The following EIPR1 variants were observed in gnomAD, a reference collection of about 807,000 sequenced individuals.
EIPR1 encodes the protein EARP and GARP complex-interacting protein 1.
In EIPR1, 25 loss-of-function variants were observed where a neutral mutation model predicts 48.1. The observed-to-expected ratio is 0.52, with a 90% CI of 0.38 to 0.73. EIPR1 has a LOEUF of 0.73. EIPR1 is among the 30% of genes least tolerant of loss of function. The pLI is 0.00. For missense variants in EIPR1, 415 were observed against 506.2 expected (o/e 0.82, Z 1.73); for synonymous variants, 204 against 201.9 (o/e 1.01, Z -0.09).
chr2:3,358,029 A>G (rs1191883892), intron 1 of EIPR1, among the ~76,000 whole-genome samples: 1 of 152,184 alleles, frequency 6.6e-6, no homozygotes, highest in Admixed American at 6.5e-5. Flanking sequence ...TTATGGCAGC[A>G]ACAGGAAACT....
At chr2:3,289,150 G>A (rs1340346165) in intron 3 of EIPR1, among the ~76,000 whole-genome samples, 2 of 152,176 alleles carry the variant, frequency 1.3e-5, no homozygotes, top group African/African-American at 4.8e-5. Flanking sequence ...GACAAGCGAG[G>A]ATTTGTTTCT....
At chr2:3,360,907 G>A (rs1490589082) in intron 1 of EIPR1, among the ~76,000 whole-genome samples, 2 of 151,692 alleles carry the variant, frequency 1.3e-5, no homozygotes, top group South Asian at 2.1e-4. Flanking sequence ...GAAGAGGAAA[G>A]TATGGGGAAA....
chr2:3,263,407 C>T (rs1369986491), intron 3 of EIPR1, among the ~76,000 whole-genome samples: 9 of 152,188 alleles, frequency 5.9e-5, no homozygotes, highest in African/African-American at 2.2e-4. Flanking sequence ...TCATCCGACA[C>T]TTAGTCCAAG....
rs1320236490 is a variant in EIPR1 at position 3,269,522 on chromosome 2, A to ATCATCGCACTCAG, written c.260-12080_260-12068dup. Among the ~76,000 whole-genome samples, 103 of 63,676 alleles carry ATCATCGCACTCAG rather than the reference A, an allele frequency of 1.6e-3. 2 individuals carry two copies. The highest frequency in any genetic ancestry group is 0.01 in the Middle Eastern group (1 of 96). The allele number at this position is 63,676 out of a possible 152,430, so 41.8% of individuals were successfully genotyped here. A position where few individuals can be genotyped will look rare whatever the true frequency, so the allele number is the denominator to read the frequency against. On this transcript the variant is annotated intron_variant, in intron 3 of 8. Transcript: ENST00000382125. ...TCGCACTCAATCATCATCACACTCA[A>ATCATCGCACTCAG]TCATCGCACTCAGTCATCGCACTCA...
chr2:3,230,151 A>ATT (rs55658514), intron 4 of EIPR1, among the ~76,000 whole-genome samples: 86 of 151,166 alleles, frequency 5.7e-4, no homozygotes, highest in African/African-American at 1.7e-3. Flanking sequence ...TGAAAATTTT[A>ATT]TTTTTTTTTA....
intron 3 of EIPR1, among the ~76,000 whole-genome samples, chr2:3,273,125 C>A (rs573016053): frequency 5.0e-4 from 76 of 152,308 alleles, no homozygotes; most frequent in African/African-American, 1.5e-3. Flanking sequence ...TATCTTTATT[C>A]ACATTCTCTT....
chr2:3,196,780 C>T, intron 6 of EIPR1, 101 bp downstream of exon 6: 2 of 1,467,110 alleles, frequency 1.4e-6, no homozygotes, highest in Non-Finnish European at 1.8e-6. Flanking sequence ...AAACCATGCG[C>T]CCCCAAAGGC....
At position 3,341,053 on chromosome 2, in the gene EIPR1, G is replaced by A. The variant is rs141146108; in HGVS notation, c.127-2904C>T. ...GGGAGGTGCAGTGAGCCGAGATCAC[G>A]CCACTGCACTCCAGCCTGGGTGACA... On this transcript the variant is annotated intron_variant, in intron 2 of 8. Coordinates refer to ENST00000382125, the MANE Select transcript of EIPR1 (RefSeq NM_003310.5). Among the ~76,000 whole-genome samples the A allele has an allele frequency of 2.6e-3, 312 of 121,770 alleles. 1 individual carries two copies. The highest frequency in any genetic ancestry group is 9.4e-3 in the African/African-American group (293 of 31,226). The allele number at this position is 121,770 out of a possible 152,430, so 79.9% of individuals were successfully genotyped here. A position where few individuals can be genotyped will look rare whatever the true frequency, so the allele number is the denominator to read the frequency against.
chr2:3,209,420 G>T (rs1245150034), intron 5 of EIPR1, among the ~76,000 whole-genome samples: 1 of 152,218 alleles, frequency 6.6e-6, no homozygotes, highest in Non-Finnish European at 1.5e-5. Context: ...CCCTACAACA[G>T]GGAAGCTCGG....
In EIPR1 at chr2:3,250,482, T is replaced by G. The variant is rs187591897; in HGVS notation, c.416+6817A>C. On this transcript the variant is annotated intron_variant, in intron 4 of 8. Transcript: ENST00000382125. ...TACAGCCCATACCTTGAGTCTCAAA[T>G]GAGACTTTGGATTTTTGAGTTGGGG... Among the ~76,000 whole-genome samples the G allele has an allele frequency of 1.4e-4, 22 of 152,328 alleles. 1 individual carries two copies. The highest frequency in any genetic ancestry group is 5.3e-4 in the African/African-American group (22 of 41,568).
rs1190699955 is a variant in EIPR1 at position 3,269,428 on chromosome 2, ACACT to A, written c.260-11977_260-11974del. Reference sequence around the variant, plus strand: ...CACTCAATCATCGCACTCAATCATCACACTCAATCATCACCACACTCAATCATCA... The same window carrying A: ...CACTCAATCATCGCACTCAATCATCACAATCATCACCACACTCAATCATCA... On this transcript the variant is annotated intron_variant, in intron 3 of 8. Coordinates refer to ENST00000382125, the MANE Select transcript of EIPR1 (RefSeq NM_003310.5). Among the ~76,000 whole-genome samples the A allele has an allele frequency of 9.8e-3, 259 of 26,470 alleles. 6 individuals are homozygous for A. The highest frequency in any genetic ancestry group is 0.028 in the East Asian group (16 of 570). 17.4% of individuals were successfully genotyped at this position (26,470 alleles called of 152,430 possible). A position where few individuals can be genotyped will look rare whatever the true frequency, so the allele number is the denominator to read the frequency against.
At chr2:3,309,116 C>T (rs1669043584) in intron 3 of EIPR1, among the ~76,000 whole-genome samples, 2 of 152,174 alleles carry the variant, frequency 1.3e-5, no homozygotes, top group African/African-American at 4.8e-5. Context: ...CTTCTTAAAC[C>T]ATATTTGATG....
intron 3 of EIPR1, among the ~76,000 whole-genome samples, chr2:3,310,208 A>T (rs1424138285): frequency 6.6e-6 from 1 of 152,178 alleles, no homozygotes; most frequent in Admixed American, 6.5e-5. Context: ...GTCACCCAAG[A>T]TTGACTACAG....
At chr2:3,212,408 C>T (rs539483310) in intron 5 of EIPR1, among the ~76,000 whole-genome samples, 2 of 152,306 alleles carry the variant, frequency 1.3e-5, no homozygotes, top group South Asian at 4.1e-4. Context: ...TCTTCCCACA[C>T]CAGGAGCTGG....
intron 3 of EIPR1, among the ~76,000 whole-genome samples, chr2:3,278,255 C>T (rs531076915): frequency 5.2e-4 from 79 of 152,308 alleles, no homozygotes; most frequent in African/African-American, 1.8e-3. Flanking sequence ...CTGCATCCTG[C>T]CCCATCAGCT....
chr2:3,232,780 T>G (rs910213816), intron 4 of EIPR1, among the ~76,000 whole-genome samples: 1 of 152,208 alleles, frequency 6.6e-6, no homozygotes, highest in African/African-American at 2.4e-5. Context: ...TGGATGGTTA[T>G]CTACTCCGTC....
At chr2:3,345,681 C>A (rs184434352) in intron 2 of EIPR1, among the ~76,000 whole-genome samples, 1 of 151,738 alleles carries the variant, frequency 6.6e-6, no homozygotes, top group African/African-American at 2.4e-5. Context: ...GACCAAAATT[C>A]TCAGAAAGCA....
At chr2:3,223,282 T>G (rs1558234211) in intron 4 of EIPR1, among the ~76,000 whole-genome samples, 2 of 152,128 alleles carry the variant, frequency 1.3e-5, no homozygotes, top group Non-Finnish European at 2.9e-5. Flanking sequence ...TCCTTTCCCG[T>G]GGCAGCCTGC....
intron 1 of EIPR1, among the ~76,000 whole-genome samples, chr2:3,358,441 A>T (rs1023211879): frequency 4.6e-5 from 7 of 152,238 alleles, no homozygotes; most frequent in East Asian, 1.9e-4. Context: ...CCGAGAATAC[A>T]CATGTCTAGA....
Sources: allele counts gnomAD v4.1 joint callset (sites outside exome capture counted in the v4.1 genomes callset), GRCh38; gene constraint gnomAD v4.1.1; transcripts MANE v1.5; gene names NCBI Gene and HGNC (gene_info 2026-07-23, HGNC 2026-07-21).